ZFYVE21: variants seen among roughly 807,000 people sequenced by gnomAD.
ZFYVE21 encodes the protein zinc finger FYVE domain-containing protein 21.
A neutral mutation model predicts 29.5 loss-of-function variants in ZFYVE21; 21 were observed. The observed-to-expected ratio is 0.71, with a 90% CI of 0.50 to 1.02. The LOEUF (loss-of-function observed/expected upper bound fraction) is 1.02, where lower values mean the gene tolerates loss of function less well. ZFYVE21 is among the 50% of genes least tolerant of loss of function. The probability of loss-of-function intolerance (pLI) is 0.00; values close to 1 mark genes in which losing one functional copy is unlikely to be tolerated. For missense variants in ZFYVE21, 326 were observed against 335.4 expected, an observed-to-expected ratio of 0.97 and a Z score of 0.22; for synonymous variants, 151 against 133.8, an observed-to-expected ratio of 1.13 and a Z score of -0.89.
At chr14:103,724,659 A>T (rs1341335568) in intron 1 of ZFYVE21, 1 of 152,188 alleles carries the variant, frequency 6.6e-6, no homozygotes, top group Non-Finnish European at 1.5e-5. Context: ...CTTGGTCAAT[A>T]TTCAGCCGAG....
intron 3 of ZFYVE21, 70 bp from the exon 4 acceptor site, chr14:103,728,837 TG>T: frequency 6.9e-7 from 1 of 1,459,678 alleles, no homozygotes; most frequent in African/African-American, 1.4e-5. Flanking sequence ...CGTCTCCTAC[TG>T]GTACTCGTGG....
intron 1 of ZFYVE21, among the ~76,000 whole-genome samples, chr14:103,722,275 C>T (rs982189269): frequency 6.6e-6 from 1 of 151,658 alleles, no homozygotes; most frequent in Non-Finnish European, 1.5e-5. Flanking sequence ...CATCTAAGCT[C>T]CTTGGTTATT....
At chr14:103,717,784 G>A (rs1424275760) in intron 1 of ZFYVE21, among the ~76,000 whole-genome samples, 2 of 152,236 alleles carry the variant, frequency 1.3e-5, no homozygotes, top group African/African-American at 4.8e-5. Flanking sequence ...CTAGCATTGG[G>A]TGGGCTTGGG....
chr14:103,727,273 T>C (rs2083936139), intron 2 of ZFYVE21: 2 of 358,674 alleles, frequency 5.6e-6, no homozygotes, highest in Non-Finnish European at 1.1e-5. Context: ...GTGTCAGCCA[T>C]GCCCTGTTTC....
chr14:103,726,478 T>C (rs2083925566), intron 1 of ZFYVE21: 1 of 314,870 alleles, frequency 3.2e-6, no homozygotes, highest in Non-Finnish European at 6.0e-6. Flanking sequence ...TTGGGTCCAG[T>C]GTGGAGGGAC....
chr14:103,716,855 G>A lies in ZFYVE21; in HGVS notation c.138+876G>A, dbSNP rs539582960. Reference sequence around the variant, plus strand: ...GAGTGCATTTAATCCCACTGGCTGTGCGCTAACAGGTGTGTCCAGTTTCTG... The same window carrying A: ...GAGTGCATTTAATCCCACTGGCTGTACGCTAACAGGTGTGTCCAGTTTCTG... On this transcript the variant is annotated intron_variant, in intron 1 of 6. Transcript: ENST00000311141. This position sits in a 1 kb window ranked among gnomAD's most constrained non-coding sequence, Gnocchi z 4.8. 8.5e-5 allele frequency among the ~76,000 whole-genome samples: 13 copies of A among 152,300 alleles called. No individual in the cohort carries two copies. The highest frequency in any genetic ancestry group is 2.9e-4 in the African/African-American group (12 of 41,572).
chr14:103,723,431 G>A (rs1007073140), intron 1 of ZFYVE21, among the ~76,000 whole-genome samples: 2 of 152,226 alleles, frequency 1.3e-5, no homozygotes, highest in South Asian at 4.1e-4. Flanking sequence ...GGACTTTTTA[G>A]ATGCTTCCAG....
intron 1 of ZFYVE21, among the ~76,000 whole-genome samples, chr14:103,717,448 C>T (rs1472388230): frequency 6.6e-6 from 1 of 152,210 alleles, no homozygotes; most frequent in Non-Finnish European, 1.5e-5. Flanking sequence ...TTTCTTTCTC[C>T]CTGCTGTACA....
At chr14:103,719,049 A>C (rs1343531746) in intron 1 of ZFYVE21, among the ~76,000 whole-genome samples, 1 of 152,164 alleles carries the variant, frequency 6.6e-6, no homozygotes, top group Non-Finnish European at 1.5e-5. Flanking sequence ...GCTAGAAAGA[A>C]TCAAGCTGGG....
intron 1 of ZFYVE21, chr14:103,726,534 A>G: frequency 2.1e-6 from 1 of 478,248 alleles, no homozygotes; most frequent in Middle Eastern, 5.6e-4. Context: ...GTCAAACCCC[A>G]AGCCCACCTC....
At chr14:103,722,236 T>C (rs2083879392) in intron 1 of ZFYVE21, among the ~76,000 whole-genome samples, 1 of 152,206 alleles carries the variant, frequency 6.6e-6, no homozygotes, top group African/African-American at 2.4e-5. Flanking sequence ...ATATAATCAA[T>C]AGGAAATTAC....
intron 3 of ZFYVE21, 52 bp downstream of exon 3, chr14:103,727,966 G>A (rs747870460): frequency 2.6e-6 from 4 of 1,553,528 alleles, no homozygotes; most frequent in African/African-American, 1.4e-5. Context: ...CCGGCTCCTC[G>A]TGTCTGTGGC....
chr14:103,729,925 G>A lies in ZFYVE21; in HGVS notation c.526+743G>A, dbSNP rs144325372. ...CCCTCGCCACCTGGCTTCTGTCCAC[G>A]GGGTGGTCCATGCCAAGGTTCTTTG... On this transcript the variant is annotated intron_variant, in intron 5 of 6. Transcript: ENST00000311141. The A allele has an allele frequency of 2.1e-4, 305 of 1,478,358 alleles. 1 individual carries two copies. The East Asian group carries it at 7.2e-3, about 35-fold the overall frequency. 91.6% of individuals were successfully genotyped at this position (1,478,358 alleles called of 1,614,324 possible).
At chr14:103,730,510 G>A (rs2083964194) in intron 5 of ZFYVE21, 2 of 152,588 alleles carry the variant, frequency 1.3e-5, no homozygotes, top group Non-Finnish European at 2.9e-5. Context: ...CAGTGCCTCA[G>A]GAGGCCAGGG....
rs984253796 is a variant in ZFYVE21 at position 103,733,413 on chromosome 14, T to C, written c.*395T>C. The C allele has an allele frequency of 5.1e-6, 1 of 196,224 alleles. No individual in the cohort carries two copies. The highest frequency in any genetic ancestry group is 1.1e-5 in the Non-Finnish European group (1 of 94,958). 12.2% of individuals were successfully genotyped at this position (196,224 alleles called of 1,614,324 possible). ...AGTTTGGGCAGTAGGAACTCAGGCT[T>C]CTGGTCTGCAGTGGAGCCTGTTCGC... On this transcript the variant is annotated 3_prime_UTR_variant, in exon 7 of 7. Transcript: ENST00000311141.
rs771625062 is a variant in ZFYVE21 at position 103,732,572 on chromosome 14, G to A, written c.527-48G>A. 7.3e-6 allele frequency: 11 copies of A among 1,512,494 alleles called. No homozygotes were observed. The Admixed American group carries it at 2.6e-4, about 36-fold the overall frequency. The allele number at this position is 1,512,494 out of a possible 1,614,324, so 93.7% of individuals were successfully genotyped here. A position where few individuals can be genotyped will look rare whatever the true frequency, so the allele number is the denominator to read the frequency against. ...CGCCTTGGGGCTGGTGGCCGCCTGG[G>A]CACTCAGGGCCTCCTTTGGGCCGTC... On this transcript the variant is annotated intron_variant, in intron 5 of 6. Transcript: ENST00000311141.
At chr14:103,729,368 G>A in intron 5 of ZFYVE21, 186 bp downstream of exon 5, 1 of 612,170 alleles carries the variant, frequency 1.6e-6, no homozygotes, top group East Asian at 2.8e-5. Context: ...AACTCGCCAG[G>A]TGAGTGGAGA....
chr14:103,732,891 C>T (rs2083998579), intron 6 of ZFYVE21, 92 bp from the exon 7 acceptor site: 2 of 1,604,532 alleles, frequency 1.2e-6, no homozygotes, highest in East Asian at 2.2e-5. Flanking sequence ...GCTGGGGTGC[C>T]CACGCCATCT....
intron 5 of ZFYVE21, chr14:103,731,649 CGT>C (rs1390900171): frequency 6.6e-6 from 1 of 152,236 alleles, no homozygotes; most frequent in African/African-American, 2.4e-5. Context: ...CAGGGGACAG[CGT>C]GTCATAGGTT....
Sources: allele counts gnomAD v4.1 joint callset (sites outside exome capture counted in the v4.1 genomes callset), GRCh38; gene constraint gnomAD v4.1.1; non-coding constraint Gnocchi (gnomAD v3.1); transcripts MANE v1.5; gene names NCBI Gene and HGNC (gene_info 2026-07-23, HGNC 2026-07-21).